The following CAST variants were observed in gnomAD, a reference collection of about 807,000 sequenced individuals.
The protein encoded by CAST is calpastatin, also known as MIR583 host.
A neutral mutation model predicts 119.6 loss-of-function variants in CAST; 76 were observed. The ratio of observed to expected loss-of-function variants is 0.64; its 90% CI spans 0.53 to 0.77. The LOEUF (loss-of-function observed/expected upper bound fraction) is 0.77. CAST is among the 30% of genes least tolerant of loss of function. The pLI, the probability that CAST is intolerant of heterozygous loss-of-function variation, is 0.00. For missense variants in CAST, 953 were observed against 946.5 expected (o/e 1.01, Z -0.09); for synonymous variants, 319 against 331.6 (o/e 0.96, Z 0.41).
chr5:96,179,960 C>G, the CAST span, among the ~76,000 whole-genome samples: 1 of 151,638 alleles, frequency 6.6e-6, no homozygotes, highest in Admixed American at 6.6e-5. Context: ...GGCAGGAACC[C>G]GGGAGGTGGA....
At chr5:96,758,230 G>A (rs757924237) in intron 24 of CAST, among the ~76,000 whole-genome samples, 1 of 152,156 alleles carries the variant, frequency 6.6e-6, no homozygotes, top group Non-Finnish European at 1.5e-5. Flanking sequence ...TTACTCCTCA[G>A]ACAACTTTAC....
chr5:96,482,524 A>G, the CAST span, among the ~76,000 whole-genome samples: 3 of 151,882 alleles, frequency 2.0e-5, no homozygotes, highest in Non-Finnish European at 4.4e-5. Context: ...GCCTTGATAT[A>G]TAGATACCCA....
At chr5:95,996,963 A>C in the CAST span, among the ~76,000 whole-genome samples, 664 of 152,298 alleles carry the variant, frequency 4.4e-3, 5 homozygotes, top group African/African-American at 0.015. Flanking sequence ...TCACATAAGA[A>C]ATAGTAAAAC....
chr5:96,234,930 C>A, the CAST span, among the ~76,000 whole-genome samples: 1 of 152,030 alleles, frequency 6.6e-6, no homozygotes, highest in Non-Finnish European at 1.5e-5. Flanking sequence ...TGTGTGTACA[C>A]TTATGCAATG....
the CAST span, among the ~76,000 whole-genome samples, chr5:96,277,966 C>G: frequency 6.6e-6 from 1 of 152,140 alleles, no homozygotes; most frequent in East Asian, 1.9e-4. Context: ...TCTCTGAAGG[C>G]TGGTGACCTT....
At chr5:96,194,753 A>G in the CAST span, among the ~76,000 whole-genome samples, 1 of 152,216 alleles carries the variant, frequency 6.6e-6, no homozygotes, top group African/African-American at 2.4e-5. Context: ...TCATTTCACC[A>G]TGGACTGGTG....
chr5:96,683,957 C>T (rs988447808), intron 2 of CAST, among the ~76,000 whole-genome samples: 3 of 152,194 alleles, frequency 2.0e-5, no homozygotes, highest in Admixed American at 6.5e-5. Context: ...CATCTTCTTT[C>T]TCATCTGTTG....
chr5:96,293,191 T>C, the CAST span, among the ~76,000 whole-genome samples: 3 of 152,196 alleles, frequency 2.0e-5, no homozygotes, highest in Non-Finnish European at 4.4e-5. Flanking sequence ...TAGGGTGGAA[T>C]GGCAGAAAAT....
rs990588334 is a variant in CAST at position 96,580,907 on chromosome 5, T to G, written c.60+51027T>G. On this transcript the variant is annotated intron_variant, in intron 1 of 11. Transcript: ENST00000505143. ...AGCCCTCAGGAACAGGATGACTGCT[T>G]CTATTGAAGAGGTCCAACGAAGCTC... is the stretch of plus-strand genomic sequence containing the variant. 3.3e-5 allele frequency among the ~76,000 whole-genome samples: 5 copies of G among 152,206 alleles called. No individual in the cohort carries two copies. In the East Asian group the frequency reaches 9.6e-4, roughly 29 times the overall value.
the CAST span, among the ~76,000 whole-genome samples, chr5:96,076,265 T>C: frequency 6.6e-6 from 1 of 152,220 alleles, no homozygotes; most frequent in East Asian, 1.9e-4. Flanking sequence ...AGGAAGTCTA[T>C]CTTCAGTGTT....
At chr5:96,110,915 A>G in the CAST span, 4 of 152,200 alleles carry the variant, frequency 2.6e-5, no homozygotes, top group African/African-American at 9.6e-5. Context: ...TTCTGACACC[A>G]AGTATATGGA....
the CAST span, chr5:96,393,429 C>G: frequency 1.2e-6 from 2 of 1,607,132 alleles, no homozygotes; most frequent in Non-Finnish European, 1.7e-6. Flanking sequence ...TTATTTATGG[C>G]CAGGCAAGCT....
At chr5:96,297,038 CTG>C in the CAST span, among the ~76,000 whole-genome samples, 2 of 99,902 alleles carry the variant, frequency 2.0e-5, no homozygotes, top group African/African-American at 6.6e-5. Flanking sequence ...AGTTGTAAAA[CTG>C]GAGTATATTT....
chr5:96,567,601 T>G (rs1023432185), intron 1 of CAST, among the ~76,000 whole-genome samples: 5 of 152,196 alleles, frequency 3.3e-5, no homozygotes, highest in African/African-American at 1.2e-4. Context: ...CTGTTTGTAC[T>G]TAACCATTTT....
At chr5:96,172,681 G>C in the CAST span, among the ~76,000 whole-genome samples, 1 of 152,164 alleles carries the variant, frequency 6.6e-6, no homozygotes, top group Non-Finnish European at 1.5e-5. Context: ...TTAGATATAT[G>C]AGTCAGTTTT....
the CAST span, chr5:96,429,272 G>A: frequency 2.5e-6 from 4 of 1,604,150 alleles, no homozygotes; most frequent in African/African-American, 1.3e-5. Context: ...GACCTTCTGG[G>A]GTGGTTTTTA....
rs140456467 is a variant in CAST at position 96,730,226 on chromosome 5, T to C, written c.549+501T>C. On this transcript the variant is annotated intron_variant, in intron 8 of 31. Coordinates refer to ENST00000675179, the MANE Select transcript of CAST (RefSeq NM_001750.7). Reference sequence around the variant, plus strand: ...TAATAGCAGCCACCTTTTAGAAGAATTAACATCTACAAGAAATACTTTTTC... The same window carrying C: ...TAATAGCAGCCACCTTTTAGAAGAACTAACATCTACAAGAAATACTTTTTC... Among the ~76,000 whole-genome samples, 563 of 152,342 alleles carry C rather than the reference T, an allele frequency of 3.7e-3. 2 individuals are homozygous for C. The highest frequency in any genetic ancestry group is 0.013 in the African/African-American group (534 of 41,578).
the CAST span, among the ~76,000 whole-genome samples, chr5:96,112,753 G>A: frequency 2.0e-5 from 3 of 152,142 alleles, no homozygotes; most frequent in Non-Finnish European, 4.4e-5. Flanking sequence ...TAGCTATGAT[G>A]AGCTGAAATG....
the CAST span, among the ~76,000 whole-genome samples, chr5:96,305,653 T>C: frequency 2.0e-5 from 3 of 152,222 alleles, no homozygotes; most frequent in Non-Finnish European, 4.4e-5. Flanking sequence ...TTGGGAGTTT[T>C]TAGCATAAAA....
Sources: gnomAD v4.1 joint callset for allele counts (sites outside exome capture counted in the v4.1 genomes callset) on GRCh38, gnomAD v4.1.1 for gene constraint, MANE v1.5 for transcripts, NCBI Gene and HGNC (gene_info 2026-07-23, HGNC 2026-07-21) for gene names.